The following ASH1L variants were observed in gnomAD, a reference collection of about 807,000 sequenced individuals.
The protein encoded by ASH1L is histone-lysine N-methyltransferase ASH1L.
A neutral mutation model predicts 269.0 loss-of-function variants in ASH1L; 23 were observed. The ratio of observed to expected loss-of-function variants is 0.09; its 90% CI spans 0.06 to 0.12. ASH1L has a LOEUF of 0.12. Among genes scored for constraint, ASH1L ranks in the 10% least tolerant of loss-of-function variants. ASH1L has a pLI of 1.00. For synonymous variants in ASH1L, 1,187 were observed against 1,253.5 expected (o/e 0.95, Z 1.12); for missense variants, 2,912 against 3,567.8 (o/e 0.82, Z 4.68).
chr1:155,365,951 G>T (rs185939636), intron 12 of ASH1L, among the ~76,000 whole-genome samples: 1 of 151,688 alleles, frequency 6.6e-6, no homozygotes, highest in Admixed American at 6.6e-5. Context: ...TACCCCTAAG[G>T]ATTAAGGGTT....
intron 25 of ASH1L, among the ~76,000 whole-genome samples, chr1:155,340,174 T>C (rs561690377): frequency 6.6e-6 from 1 of 152,202 alleles, no homozygotes; most frequent in East Asian, 1.9e-4. Flanking sequence ...CTTTGTTTTC[T>C]GGTTAGCTTA....
rs1399605457 is a variant in ASH1L, at chr1:155,482,095, C to T, written c.775G>A (p.Val259Ile). The T allele has an allele frequency of 2.5e-6, 4 of 1,614,076 alleles. No homozygotes were observed. The Admixed American group carries it at 6.7e-5, about 27-fold the overall frequency. The part of the protein sequence containing the change: ...VSKDLIRKAG[V>I]GSVAGIIHKD... ...TGTATTATTCCAGCTACAGAGCCAA[C>T]ACCTGCTTTCCTGATCAAATCCTTG... Residue 259 changes from valine (V) to isoleucine (I), a missense_variant, in exon 3 of 28, where the codon GTT (valine) becomes ATT (isoleucine). By Grantham distance (29) the Val-to-Ile change is conservative. Around this residue, in one of 13 missense-constraint regions of ASH1L, gnomAD observed 277 missense variants for 367.7 expected, o/e 0.75. Transcript: ENST00000392403.
chr1:155,532,460 C>T (rs886158944), intron 1 of ASH1L, among the ~76,000 whole-genome samples: 21 of 152,204 alleles, frequency 1.4e-4, no homozygotes, highest in African/African-American at 4.6e-4. Flanking sequence ...CAACACCTGC[C>T]ATTCTAATCC....
intron 4 of ASH1L, among the ~76,000 whole-genome samples, chr1:155,450,160 T>C (rs1008114563): frequency 3.3e-5 from 5 of 152,240 alleles, no homozygotes. Flanking sequence ...TGTGTTCCTC[T>C]GTATGTGTTT....
At chr1:155,545,175 C>CCAAAAA (rs1325519952) in intron 1 of ASH1L, among the ~76,000 whole-genome samples, 2 of 21,768 alleles carry the variant, frequency 9.2e-5, no homozygotes, top group Non-Finnish European at 1.4e-4. Context: ...TCCATCTCAC[C>CCAAAAA]AAAAAAAAAA....
At position 155,346,508 on chromosome 1, in the gene ASH1L, T is replaced by C. The variant is rs375193597; in HGVS notation, c.7804-39A>G. 95 of 1,571,100 alleles carry C rather than the reference T, an allele frequency of 6.0e-5. No homozygotes were observed. In the African/African-American group the frequency reaches 1.2e-3, roughly 20 times the overall value. ...TACAGTTTGGGGAACATGGAGGCTA[T>C]GACTTATTGAGAGTGTCCTGGGAGC... On this transcript the variant is annotated intron_variant, in intron 20 of 27. Transcript: ENST00000392403.
intron 2 of ASH1L, among the ~76,000 whole-genome samples, chr1:155,497,517 CTTACT>C (rs1667228809): frequency 1.3e-5 from 2 of 152,174 alleles, no homozygotes; most frequent in East Asian, 1.9e-4. Flanking sequence ...TTTCTATTCT[CTTACT>C]TTAAGAATAT....
intron 3 of ASH1L, among the ~76,000 whole-genome samples, chr1:155,473,176 C>A (rs770856681): frequency 6.6e-6 from 1 of 152,182 alleles, no homozygotes; most frequent in African/African-American, 2.4e-5. Context: ...TACACCAACA[C>A]AAACTAAATG....
intron 1 of ASH1L, among the ~76,000 whole-genome samples, chr1:155,526,807 G>A (rs1029544553): frequency 3.9e-5 from 6 of 152,090 alleles, no homozygotes; most frequent in Non-Finnish European, 8.8e-5. Flanking sequence ...TCTTCATTTA[G>A]GCAACTATCT....
At chr1:155,546,159 A>C (rs1170921067) in intron 1 of ASH1L, among the ~76,000 whole-genome samples, 1 of 2,910 alleles carries the variant, frequency 3.4e-4, no homozygotes, top group African/African-American at 4.4e-4. Context: ...TTCCATCACC[A>C]AAAAAAAAAA....
At chr1:155,471,211 T>C (rs1440625340) in intron 3 of ASH1L, among the ~76,000 whole-genome samples, 2 of 152,176 alleles carry the variant, frequency 1.3e-5, no homozygotes, top group Non-Finnish European at 1.5e-5. Flanking sequence ...AATTTAGACT[T>C]ATGATCAAGT....
chr1:155,365,578 T>C (rs1279610489), intron 12 of ASH1L, among the ~76,000 whole-genome samples: 1 of 152,022 alleles, frequency 6.6e-6, no homozygotes, highest in Non-Finnish European at 1.5e-5. Flanking sequence ...TTAAAGGATG[T>C]TTGTTTCCCT....
intron 6 of ASH1L, among the ~76,000 whole-genome samples, chr1:155,404,337 G>A (rs1659092784): frequency 6.6e-6 from 1 of 152,016 alleles, no homozygotes; most frequent in Non-Finnish European, 1.5e-5. Flanking sequence ...GTCTGGATGA[G>A]AGGTAGACTC....
intron 1 of ASH1L, among the ~76,000 whole-genome samples, chr1:155,555,485 A>C (rs1348113852): frequency 7.0e-6 from 1 of 142,704 alleles, no homozygotes; most frequent in Non-Finnish European, 1.5e-5. Context: ...CAACAGAGTG[A>C]GACTCTGTCT....
chr1:155,433,528 C>G, intron 5 of ASH1L: 1 of 1,609,930 alleles, frequency 6.2e-7, no homozygotes, highest in African/African-American at 1.3e-5. Flanking sequence ...AGCCCTGCAC[C>G]GTCCCCCCTG....
intron 12 of ASH1L, 111 bp from the exon 13 acceptor site, chr1:155,360,520 C>T (rs370543881): frequency 4.5e-5 from 28 of 618,054 alleles, no homozygotes; most frequent in Admixed American, 1.4e-4. Flanking sequence ...CTTGGCTCAC[C>T]GCAACCTCCG....
intron 17 of ASH1L, among the ~76,000 whole-genome samples, chr1:155,350,425 G>C (rs1054825562): frequency 6.6e-6 from 1 of 152,170 alleles, no homozygotes; most frequent in African/African-American, 2.4e-5. Context: ...GGATATGAAA[G>C]ATATAGTTGC....
chr1:155,402,559 T>G (rs1463443077), intron 6 of ASH1L, among the ~76,000 whole-genome samples: 1 of 152,222 alleles, frequency 6.6e-6, no homozygotes, highest in Admixed American at 6.5e-5. Context: ...CTGCTTTGTT[T>G]TGTTTTTAAA....
At chr1:155,419,721 T>A (rs1365612059) in intron 5 of ASH1L, among the ~76,000 whole-genome samples, 2 of 152,206 alleles carry the variant, frequency 1.3e-5, no homozygotes, top group Non-Finnish European at 2.9e-5. Context: ...AAAGTTTCCC[T>A]ATTATTAAGG....
Sources: allele counts gnomAD v4.1 joint callset (sites outside exome capture counted in the v4.1 genomes callset), GRCh38; gene constraint gnomAD v4.1.1; regional missense constraint gnomAD v4.1.1; transcripts MANE v1.5; gene names NCBI Gene and HGNC (gene_info 2026-07-23, HGNC 2026-07-21).